KCNN2: variants seen among roughly 807,000 people sequenced by gnomAD.
KCNN2 encodes the protein small conductance calcium-activated potassium channel protein 2.
A neutral mutation model predicts 55.5 loss-of-function variants in KCNN2; 24 were observed. The ratio of observed to expected loss-of-function variants is 0.43; its 90% CI spans 0.31 to 0.61. The LOEUF (loss-of-function observed/expected upper bound fraction) is 0.61. KCNN2 is among the 20% of genes least tolerant of loss of function. The probability of loss-of-function intolerance (pLI) is 0.08; values close to 1 mark genes in which losing one functional copy is unlikely to be tolerated. For missense variants in KCNN2, 754 were observed against 853.6 expected (o/e 0.88, Z 1.45); for synonymous variants, 431 against 336.1 (o/e 1.28, Z -3.09).
chr5:114,460,934 T>C (rs1761161252), intron 3 of KCNN2, among the ~76,000 whole-genome samples: 1 of 152,162 alleles, frequency 6.6e-6, no homozygotes, highest in Non-Finnish European at 1.5e-5. Flanking sequence ...TTGCCTCCCC[T>C]CTCTTTACAG....
intron 2 of KCNN2, 69 bp downstream of exon 2, chr5:114,364,070 C>T (rs1467315490): frequency 2.6e-6 from 3 of 1,148,926 alleles, no homozygotes; most frequent in African/African-American, 3.1e-5. Flanking sequence ...CGCAAGGCAG[C>T]AGAGGCTTTT....
chr5:114,355,720 G>C (rs1450378567), intron 2 of KCNN2, among the ~76,000 whole-genome samples: 1 of 152,102 alleles, frequency 6.6e-6, no homozygotes, highest in Non-Finnish European at 1.5e-5. Flanking sequence ...GAGCTGCAGG[G>C]TGAAGAATTT....
intron 2 of KCNN2, among the ~76,000 whole-genome samples, chr5:114,376,077 G>A (rs1049208767): frequency 1.4e-4 from 21 of 150,904 alleles, no homozygotes; most frequent in Non-Finnish European, 1.6e-4. Context: ...CACGTTCTGC[G>A]TCTCATCTCC....
intron 1 of KCNN2, among the ~76,000 whole-genome samples, chr5:114,165,866 G>A (rs1475784661): frequency 6.6e-6 from 1 of 152,022 alleles, no homozygotes; most frequent in Non-Finnish European, 1.5e-5. Context: ...AGTTATACAT[G>A]GGTTTTTAAC....
intron 3 of KCNN2, among the ~76,000 whole-genome samples, chr5:114,406,908 T>C (rs1758953495): frequency 6.6e-6 from 1 of 152,182 alleles, no homozygotes; most frequent in South Asian, 2.1e-4. Flanking sequence ...TTTAGTCTTC[T>C]CTCATGCTTA....
At chr5:114,301,421 G>A (rs190843136) in intron 2 of KCNN2, among the ~76,000 whole-genome samples, 3 of 152,208 alleles carry the variant, frequency 2.0e-5, no homozygotes, top group East Asian at 1.9e-4. Context: ...CCTCCCGAGC[G>A]CATGTTTCTT....
chr5:114,496,256 C>T lies in KCNN2; in HGVS notation c.*74C>T. ...AATATTTTAGCTTTTATTGTAAAGCCCCTATGGTTCTAATCAGCGTTATCC... is the reference window on the plus strand; with the variant it reads ...AATATTTTAGCTTTTATTGTAAAGCTCCTATGGTTCTAATCAGCGTTATCC... On this transcript the variant is annotated 3_prime_UTR_variant, in exon 8 of 8. Transcript: ENST00000673685. 1.2e-5 allele frequency: 18 copies of T among 1,476,506 alleles called. 1 individual carries two copies. The highest frequency in any genetic ancestry group is 1.6e-5 in the Non-Finnish European group (17 of 1,082,454). The allele number at this position is 1,476,506 out of a possible 1,614,324, so 91.5% of individuals were successfully genotyped here.
chr5:114,160,649 G>T (rs1752753294), intron 1 of KCNN2, among the ~76,000 whole-genome samples: 1 of 152,118 alleles, frequency 6.6e-6, no homozygotes, highest in Admixed American at 6.5e-5. Context: ...AAGTCTCTTT[G>T]TAGGTCACTA....
At chr5:114,426,745 G>A (rs1303292964) in intron 3 of KCNN2, among the ~76,000 whole-genome samples, 1 of 152,140 alleles carries the variant, frequency 6.6e-6, no homozygotes, top group Non-Finnish European at 1.5e-5. Context: ...GTTCTTTTTA[G>A]ATGTTTGTAT....
At chr5:114,094,453 G>A (rs1301570215) in intron 1 of KCNN2, among the ~76,000 whole-genome samples, 5 of 152,176 alleles carry the variant, frequency 3.3e-5, no homozygotes, top group Admixed American at 3.3e-4. Context: ...CTTCTTCTTT[G>A]TTTAAACATG....
At chr5:114,283,567 T>C (rs542023661) in intron 2 of KCNN2, among the ~76,000 whole-genome samples, 11 of 152,322 alleles carry the variant, frequency 7.2e-5, no homozygotes, top group African/African-American at 2.4e-4. Flanking sequence ...ATTTTGACTA[T>C]TGTCATCTTT....
intron 1 of KCNN2, among the ~76,000 whole-genome samples, chr5:114,122,732 C>A (rs1751850271): frequency 6.6e-6 from 1 of 152,086 alleles, no homozygotes; most frequent in Non-Finnish European, 1.5e-5. Context: ...CACCCTATTT[C>A]TCAACAGAAA....
intron 1 of KCNN2, among the ~76,000 whole-genome samples, chr5:114,078,531 G>C (rs968607769): frequency 6.6e-6 from 1 of 152,184 alleles, no homozygotes; most frequent in Admixed American, 6.5e-5. Context: ...CAGATGATCA[G>C]CAGGGCACCA....
At chr5:114,449,981 G>A (rs1208729525) in intron 3 of KCNN2, among the ~76,000 whole-genome samples, 3 of 151,988 alleles carry the variant, frequency 2.0e-5, no homozygotes, top group Non-Finnish European at 2.9e-5. Flanking sequence ...TCCCTGCAGG[G>A]TATTCCCACA....
chr5:114,159,646 G>A (rs1224098071), intron 1 of KCNN2, among the ~76,000 whole-genome samples: 1 of 152,044 alleles, frequency 6.6e-6, no homozygotes, highest in African/African-American at 2.4e-5. Context: ...ACTTTTTTTG[G>A]TTGGTAAGCT....
At chr5:114,071,802 C>CT (rs1750574028) in intron 1 of KCNN2, among the ~76,000 whole-genome samples, 1 of 152,216 alleles carries the variant, frequency 6.6e-6, no homozygotes, top group Non-Finnish European at 1.5e-5. Flanking sequence ...CATATTCACA[C>CT]TGATAAGGGA....
chr5:114,091,680 C>A (rs1253242615), intron 1 of KCNN2, among the ~76,000 whole-genome samples: 1 of 152,156 alleles, frequency 6.6e-6, no homozygotes, highest in East Asian at 1.9e-4. Context: ...GGCTGGGAAA[C>A]TTATAATCAT....
intron 3 of KCNN2, among the ~76,000 whole-genome samples, chr5:114,455,220 C>G (rs762592700): frequency 2.6e-5 from 4 of 152,172 alleles, no homozygotes; most frequent in Non-Finnish European, 4.4e-5. Context: ...GCTAGGCGAT[C>G]AGCATCATTT....
chr5:114,220,348 G>C (rs1754107423), intron 1 of KCNN2, among the ~76,000 whole-genome samples: 1 of 151,972 alleles, frequency 6.6e-6, no homozygotes, highest in African/African-American at 2.4e-5. Context: ...GTATCTAAAT[G>C]CTACTTTACC....
Sources: allele counts gnomAD v4.1 joint callset (sites outside exome capture counted in the v4.1 genomes callset), GRCh38; gene constraint gnomAD v4.1.1; transcripts MANE v1.5; gene names NCBI Gene and HGNC (gene_info 2026-07-23, HGNC 2026-07-21).